SPAG16: variants seen among roughly 807,000 people sequenced by gnomAD.
SPAG16 encodes sperm-associated antigen 16 protein.
A neutral mutation model predicts 80.4 loss-of-function variants in SPAG16; 86 were observed. The ratio of observed to expected loss-of-function variants is 1.07; its 90% confidence interval spans 0.90 to 1.28. The LOEUF is 1.28. Ranked by LOEUF, SPAG16 falls within the 50% of genes most tolerant of loss-of-function variation. The pLI, the probability that SPAG16 is intolerant of heterozygous loss-of-function variation, is 0.00. For missense variants in SPAG16, 870 were observed against 765.3 expected (o/e 1.14, Z -1.61); for synonymous variants, 294 against 265.9 (o/e 1.11, Z -1.03).
At chr2:213,993,526 A>G (rs905141579) in intron 12 of SPAG16, among the ~76,000 whole-genome samples, 6 of 152,226 alleles carry the variant, frequency 3.9e-5, no homozygotes, top group Non-Finnish European at 7.3e-5. Context: ...AATTATACCT[A>G]CATTGAGCCT....
rs561303488 is a variant in SPAG16, at chr2:213,789,507, G to T, written c.1071-72978G>T. The stretch of plus-strand genomic sequence containing the variant: ...ATCTTTCCTGAAAAATACACACAAG[G>T]TGATTATTTTGTTGGAGACATTGTT... On this transcript the variant is annotated intron_variant, in intron 10 of 15. Transcript: ENST00000331683. 1.6e-4 allele frequency among the ~76,000 whole-genome samples: 25 copies of T among 152,018 alleles called. 1 individual carries two copies. The highest frequency in any genetic ancestry group is 5.5e-4 in the African/African-American group (23 of 41,534).
At chr2:214,358,589 C>CACTCT (rs1349943706) in intron 15 of SPAG16, among the ~76,000 whole-genome samples, 1 of 151,568 alleles carries the variant, frequency 6.6e-6, no homozygotes, top group African/African-American at 2.4e-5. Flanking sequence ...GAGACCTAAT[C>CACTCT]ACTCTTCTTT....
chr2:213,298,379 A>G (rs563609228), intron 3 of SPAG16, among the ~76,000 whole-genome samples: 1 of 152,356 alleles, frequency 6.6e-6, no homozygotes, highest in Admixed American at 6.5e-5. Flanking sequence ...AAATGTATGA[A>G]TAGCATTTTC....
chr2:214,125,386 G>A (rs566665205), intron 14 of SPAG16, among the ~76,000 whole-genome samples: 1 of 151,768 alleles, frequency 6.6e-6, no homozygotes, highest in East Asian at 1.9e-4. Flanking sequence ...TTTCTATCAT[G>A]TTATGTTTTG....
intron 13 of SPAG16, among the ~76,000 whole-genome samples, chr2:214,084,536 G>A (rs1360562190): frequency 2.6e-5 from 4 of 152,078 alleles, no homozygotes; most frequent in Non-Finnish European, 4.4e-5. Context: ...CTCACATTCA[G>A]TCTCTCTCCT....
At chr2:214,065,153 C>G (rs540026729) in intron 13 of SPAG16, among the ~76,000 whole-genome samples, 48 of 152,134 alleles carry the variant, frequency 3.2e-4, no homozygotes, top group African/African-American at 1.0e-3. Context: ...GTCCACAGAG[C>G]TAACAAGGTT....
rs1242432103 is a variant in SPAG16 at position 213,292,693 on chromosome 2, AAC to A, written c.137-3369_137-3368del. On this transcript the variant is annotated intron_variant, in intron 1 of 15. Coordinates refer to ENST00000331683, the MANE Select transcript of SPAG16 (RefSeq NM_024532.5). ...AAAAAAAACAAAAAAAACAAAAAAA[AAC>A]AAAACTATCAGAAAGATATAAATCT... 9.9e-5 allele frequency among the ~76,000 whole-genome samples: 9 copies of A among 90,814 alleles called. 1 individual carries two copies. The highest frequency in any genetic ancestry group is 3.0e-4 in the African/African-American group (9 of 30,294). The allele number at this position is 90,814 out of a possible 152,430, so 59.6% of individuals were successfully genotyped here.
intron 10 of SPAG16, among the ~76,000 whole-genome samples, chr2:213,797,833 T>C (rs1449691915): frequency 6.6e-6 from 1 of 152,216 alleles, no homozygotes; most frequent in African/African-American, 2.4e-5. Flanking sequence ...CTTGGGTAGA[T>C]AACTAGGAGT....
At chr2:213,659,582 T>A (rs2063344394) in intron 10 of SPAG16, among the ~76,000 whole-genome samples, 1 of 152,140 alleles carries the variant, frequency 6.6e-6, no homozygotes, top group Non-Finnish European at 1.5e-5. Flanking sequence ...ACTGTAAATA[T>A]AAAAGATCAA....
chr2:214,081,708 G>A (rs990262200), intron 13 of SPAG16, among the ~76,000 whole-genome samples: 1 of 152,118 alleles, frequency 6.6e-6, no homozygotes, highest in African/African-American at 2.4e-5. Context: ...CACCCAGTTT[G>A]TGATGTTTTG....
At chr2:213,692,810 G>GAAAAAAAAAAA (rs747223234) in intron 10 of SPAG16, among the ~76,000 whole-genome samples, 1 of 86,212 alleles carries the variant, frequency 1.2e-5, no homozygotes. Context: ...ACTCGGTCTC[G>GAAAAAAAAAAA]AAAAAAAAAA....
chr2:214,062,563 A>C (rs1300751297), intron 13 of SPAG16, among the ~76,000 whole-genome samples: 1 of 152,036 alleles, frequency 6.6e-6, no homozygotes, highest in African/African-American at 2.4e-5. Context: ...GGTGAGAACA[A>C]AAACCTTGAA....
chr2:214,023,387 T>C (rs2047978557), intron 13 of SPAG16, among the ~76,000 whole-genome samples: 1 of 147,880 alleles, frequency 6.8e-6, no homozygotes. Flanking sequence ...TGGCTATCAA[T>C]TGCTTCCTAA....
intron 7 of SPAG16, among the ~76,000 whole-genome samples, chr2:213,362,197 C>T (rs1052088188): frequency 6.6e-6 from 1 of 152,250 alleles, no homozygotes; most frequent in Non-Finnish European, 1.5e-5. Context: ...AGTGATCAAA[C>T]CTTCTGAAAC....
intron 15 of SPAG16, among the ~76,000 whole-genome samples, chr2:214,295,495 A>G (rs1375134165): frequency 6.6e-6 from 1 of 152,212 alleles, no homozygotes; most frequent in African/African-American, 2.4e-5. Context: ...TAATTGGAAC[A>G]GAAGGGATAT....
chr2:213,931,286 G>T (rs1370539901), intron 12 of SPAG16, among the ~76,000 whole-genome samples: 1 of 152,084 alleles, frequency 6.6e-6, no homozygotes, highest in Non-Finnish European at 1.5e-5. Flanking sequence ...AAATTAGCCT[G>T]CCCCATAGGA....
At chr2:213,333,042 G>A (rs1207358575) in intron 5 of SPAG16, among the ~76,000 whole-genome samples, 1 of 151,968 alleles carries the variant, frequency 6.6e-6, no homozygotes, top group Non-Finnish European at 1.5e-5. Flanking sequence ...GAAATAAATG[G>A]CATATAATTG....
chr2:214,307,633 T>C (rs34423954), intron 15 of SPAG16, among the ~76,000 whole-genome samples: 35,252 of 151,992 alleles, frequency 0.23, 4,283 homozygotes, highest in East Asian at 0.34. Flanking sequence ...TTGACTTCTA[T>C]CTTAATTTCA....
At chr2:213,422,343 TC>T (rs878992788) in intron 9 of SPAG16, 1 of 695,734 alleles carries the variant, frequency 1.4e-6, no homozygotes, top group South Asian at 1.5e-5. Flanking sequence ...CTTACACAGA[TC>T]CAGTGCCTGT....
Sources: allele counts gnomAD v4.1 joint callset (sites outside exome capture counted in the v4.1 genomes callset), GRCh38; gene constraint gnomAD v4.1.1; transcripts MANE v1.5; gene names NCBI Gene and HGNC (gene_info 2026-07-23, HGNC 2026-07-21).